STIM1: variants seen among roughly 807,000 people sequenced by gnomAD.
STIM1 encodes stromal interaction molecule 1.
In STIM1, 25 loss-of-function variants were observed where a neutral mutation model predicts 74.7. The observed-to-expected ratio is 0.33, with a 90% CI of 0.24 to 0.47. The LOEUF is 0.47. Ranked by LOEUF, STIM1 falls within the 20% of genes least tolerant of loss-of-function variation. The pLI is 1.00. For missense variants in STIM1, 728 were observed against 920.8 expected, an observed-to-expected ratio of 0.79 and a Z score of 2.71; for synonymous variants, 328 against 348.8, an observed-to-expected ratio of 0.94 and a Z score of 0.66.
chr11:4,059,769 G>A (rs2133107147), intron 5 of STIM1, among the ~76,000 whole-genome samples: 1 of 152,306 alleles, frequency 6.6e-6, no homozygotes, highest in Admixed American at 6.5e-5. Flanking sequence ...TGTTACCTCT[G>A]CCTTTAAGGG....
chr11:4,053,057 T>C (rs540065106), intron 3 of STIM1, among the ~76,000 whole-genome samples: 5 of 152,140 alleles, frequency 3.3e-5, no homozygotes, highest in South Asian at 2.1e-4. Context: ...GTTAGAATGG[T>C]GATCATTAAA....
chr11:3,898,728 A>C (rs1281002619), intron 1 of STIM1, among the ~76,000 whole-genome samples: 5 of 151,280 alleles, frequency 3.3e-5, no homozygotes, highest in Non-Finnish European at 5.9e-5. Flanking sequence ...TCAGCTTTCT[A>C]CATATGGCTA....
chr11:4,040,559 T>C (rs1449376466), intron 3 of STIM1, among the ~76,000 whole-genome samples: 1 of 152,210 alleles, frequency 6.6e-6, no homozygotes, highest in African/African-American at 2.4e-5. Flanking sequence ...AATGCAAAGA[T>C]CTGTTCCACT....
At chr11:3,986,438 A>G (rs2093558868) in intron 2 of STIM1, among the ~76,000 whole-genome samples, 1 of 151,950 alleles carries the variant, frequency 6.6e-6, no homozygotes, top group Non-Finnish European at 1.5e-5. Context: ...AGGGAGGGAG[A>G]GGTTGGGAAT....
chr11:3,957,468 A>C (rs2093229746), intron 1 of STIM1, among the ~76,000 whole-genome samples: 1 of 152,052 alleles, frequency 6.6e-6, no homozygotes, highest in Non-Finnish European at 1.5e-5. Flanking sequence ...CATGTTGGCC[A>C]GGCTGGTCTC....
intron 2 of STIM1, among the ~76,000 whole-genome samples, chr11:4,022,913 C>T (rs936169629): frequency 3.3e-5 from 5 of 152,230 alleles, no homozygotes; most frequent in South Asian, 2.1e-4. Flanking sequence ...GGGTGTCGTG[C>T]AACATCACTG....
intron 1 of STIM1, among the ~76,000 whole-genome samples, chr11:3,920,946 C>G (rs1047172117): frequency 2.0e-5 from 3 of 152,046 alleles, no homozygotes; most frequent in African/African-American, 4.8e-5. Context: ...TAGGCACCCG[C>G]CACTACGCAT....
In STIM1 at chr11:4,092,359, T is replaced by G; in HGVS notation, c.*561T>G. On this transcript the variant is annotated 3_prime_UTR_variant, in exon 13 of 13. Coordinates refer to ENST00000526596, the MANE Select transcript of STIM1 (RefSeq NM_001382567.1). Reference sequence around the variant, plus strand: ...ATGTGGGTCAGAAGGAGCCTCATCCTAATCTCACTCAGGCCTCCAGGGATC... The same window carrying G: ...ATGTGGGTCAGAAGGAGCCTCATCCGAATCTCACTCAGGCCTCCAGGGATC... 2 of 169,532 alleles carry G rather than the reference T, an allele frequency of 1.2e-5. No homozygotes were observed. The highest frequency in any genetic ancestry group is 5.4e-5 in the Admixed American group (1 of 18,460). 10.5% of individuals were successfully genotyped at this position (169,532 alleles called of 1,614,324 possible). A position where few individuals can be genotyped will look rare whatever the true frequency, so the allele number is the denominator to read the frequency against.
At chr11:3,872,197 C>T (rs910954215) in intron 1 of STIM1, among the ~76,000 whole-genome samples, 5 of 152,084 alleles carry the variant, frequency 3.3e-5, no homozygotes, top group African/African-American at 7.2e-5. Context: ...GGACTATAGG[C>T]GTGTGCCACC....
At chr11:3,904,196 C>CAAAAAAAAAAAAAAAAAAAAAAAAAA (rs57908154) in intron 1 of STIM1, among the ~76,000 whole-genome samples, 1 of 73,874 alleles carries the variant, frequency 1.4e-5, no homozygotes, top group Non-Finnish European at 2.4e-5. Context: ...GACTCTGTCT[C>CAAAAAAAAAAAAAAAAAAAAAAAAAA]AAAAAAAAAA....
chr11:3,921,076 G>T (rs561719566), intron 1 of STIM1, among the ~76,000 whole-genome samples: 1 of 152,116 alleles, frequency 6.6e-6, no homozygotes, highest in Non-Finnish European at 1.5e-5. Context: ...GATTACAGAC[G>T]TGAGCCACTG....
At chr11:3,965,665 A>G (rs942961994) in intron 1 of STIM1, among the ~76,000 whole-genome samples, 3 of 152,212 alleles carry the variant, frequency 2.0e-5, no homozygotes, top group Admixed American at 6.5e-5. Context: ...TTATGCAGAG[A>G]TATTTCTTTT....
In STIM1 at chr11:4,047,487, G is replaced by A. The variant is rs537440567; in HGVS notation, c.386-8039G>A. Among the ~76,000 whole-genome samples, 114 of 152,152 alleles carry A rather than the reference G, an allele frequency of 7.5e-4. 1 individual carries two copies. Among genetic ancestry groups the A allele is most frequent in the African/African-American group, 2.7e-3 (112 of 41,540 alleles). ...AGAAATTAACTGGGTGTGGCGGCATGTGTCTGTAATCCCAGCTACTCCAGA... is the reference window on the plus strand; with the variant it reads ...AGAAATTAACTGGGTGTGGCGGCATATGTCTGTAATCCCAGCTACTCCAGA... On this transcript the variant is annotated intron_variant, in intron 3 of 12. Coordinates refer to ENST00000526596, the MANE Select transcript of STIM1 (RefSeq NM_001382567.1).
chr11:3,905,731 T>TC (rs1197489947), intron 1 of STIM1, among the ~76,000 whole-genome samples: 2 of 152,212 alleles, frequency 1.3e-5, no homozygotes, highest in African/African-American at 4.8e-5. Flanking sequence ...AACATTCAGC[T>TC]AGTTAGTGGT....
intron 1 of STIM1, among the ~76,000 whole-genome samples, chr11:3,919,584 T>C (rs1310970320): frequency 1.3e-5 from 2 of 152,046 alleles, no homozygotes; most frequent in Non-Finnish European, 2.9e-5. Flanking sequence ...AGAAGTTGCT[T>C]TATAATGTGT....
chr11:3,947,419 G>C (rs1015276584), intron 1 of STIM1: 1 of 152,110 alleles, frequency 6.6e-6, no homozygotes, highest in Non-Finnish European at 1.5e-5. Context: ...CCCTTCTCAG[G>C]GTTCAATTTC....
intron 1 of STIM1, among the ~76,000 whole-genome samples, chr11:3,873,566 C>T (rs568347515): frequency 6.6e-6 from 1 of 152,176 alleles, no homozygotes; most frequent in South Asian, 2.1e-4. Context: ...TGTGTCTGGC[C>T]ATGTGTTTAC....
intron 1 of STIM1, among the ~76,000 whole-genome samples, chr11:3,880,789 G>T (rs902898955): frequency 2.6e-5 from 4 of 152,150 alleles, no homozygotes; most frequent in African/African-American, 9.7e-5. Flanking sequence ...AGGTCAGTCA[G>T]CCCCTTTCCC....
At chr11:4,067,059 T>A (rs2094371563) in intron 5 of STIM1, among the ~76,000 whole-genome samples, 1 of 152,216 alleles carries the variant, frequency 6.6e-6, no homozygotes, top group Admixed American at 6.5e-5. Context: ...ATATTCTTAA[T>A]TATCTCCTGG....
Sources: allele counts gnomAD v4.1 joint callset (sites outside exome capture counted in the v4.1 genomes callset), GRCh38; gene constraint gnomAD v4.1.1; transcripts MANE v1.5; gene names NCBI Gene and HGNC (gene_info 2026-07-23, HGNC 2026-07-21).